Variants in PTPRE observed in about 807,000 individuals in gnomAD.
PTPRE encodes protein tyrosine phosphatase receptor type E, also known as receptor-type tyrosine-protein phosphatase epsilon.
In PTPRE, 51 loss-of-function variants were observed where a neutral mutation model predicts 102.0. The ratio of observed to expected loss-of-function variants is 0.50; its 90% CI spans 0.40 to 0.63. The LOEUF (loss-of-function observed/expected upper bound fraction) is 0.63, where lower values mean the gene tolerates loss of function less well. Among genes scored for constraint, PTPRE ranks in the 30% least tolerant of loss-of-function variants. The pLI is 0.00. For missense variants in PTPRE, 752 were observed against 915.1 expected, an observed-to-expected ratio of 0.82 and a Z score of 2.30; for synonymous variants, 345 against 348.2, an observed-to-expected ratio of 0.99 and a Z score of 0.10.
chr10:127,932,005 C>G (rs1177322222), intron 1 of PTPRE, among the ~76,000 whole-genome samples: 1 of 152,160 alleles, frequency 6.6e-6, no homozygotes. Context: ...TTCTTTAAGT[C>G]AAGTTTCAAT....
chr10:127,992,672 A>G (rs916061804), intron 2 of PTPRE, among the ~76,000 whole-genome samples: 1 of 152,218 alleles, frequency 6.6e-6, no homozygotes, highest in African/African-American at 2.4e-5. Context: ...CACCTGCATC[A>G]GAAAGCCAGA....
At position 128,076,390 on chromosome 10, in the gene PTPRE, A is replaced by G. The variant is rs184195947; in HGVS notation, c.1600-213A>G. Among the ~76,000 whole-genome samples, 867 of 152,248 alleles carry G rather than the reference A, an allele frequency of 5.7e-3. 8 individuals are homozygous for G. Among genetic ancestry groups the G allele is most frequent in the Non-Finnish European group, 8.4e-3 (574 of 68,004 alleles). The stretch of plus-strand genomic sequence containing the variant: ...AATCTCTCCTTTCTGCCATATGTTA[A>G]GGTTTCATATATATATGTGTCTGTT... On this transcript the variant is annotated intron_variant, in intron 17 of 20. Transcript: ENST00000254667.
chr10:127,970,776 T>C (rs2135423624), intron 1 of PTPRE, among the ~76,000 whole-genome samples: 1 of 151,626 alleles, frequency 6.6e-6, no homozygotes, highest in South Asian at 2.1e-4. Context: ...AAAGATCACC[T>C]GATATTTTCC....
At position 127,944,066 on chromosome 10, in the gene PTPRE, G is replaced by A. The variant is rs72845075; in HGVS notation, c.-31+36757G>A. On this transcript the variant is annotated intron_variant, in intron 1 of 20. Coordinates refer to ENST00000254667, the MANE Select transcript of PTPRE (RefSeq NM_006504.6). The surrounding 1 kb of genome is among the most constrained non-coding windows in gnomAD (Gnocchi z 4.2). ...AGGGCACACAAAGTTGCTCCTGTCA[G>A]GGATGTGAGTCAGCCAATGGCCAAG... 0.01 allele frequency among the ~76,000 whole-genome samples: 1,543 copies of A among 152,322 alleles called. 5 individuals carry two copies. Among genetic ancestry groups the A allele is most frequent in the Non-Finnish European group, 0.017 (1,147 of 68,024 alleles).
At position 128,061,840 on chromosome 10, in the gene PTPRE, A is replaced by G. The variant is rs1057494948; in HGVS notation, c.625+125A>G. 27 of 1,175,842 alleles carry G rather than the reference A, an allele frequency of 2.3e-5. No homozygotes were observed. The African/African-American group carries it at 3.7e-4, about 16-fold the overall frequency. 72.8% of individuals were successfully genotyped at this position (1,175,842 alleles called of 1,614,324 possible). A position where few individuals can be genotyped will look rare whatever the true frequency, so the allele number is the denominator to read the frequency against. On this transcript the variant is annotated intron_variant, in intron 9 of 20. Transcript: ENST00000254667. ...GTGTGTGTGTGTTTACACCTAACAGACACGTTAGATATCCATTCACACAAC... is the reference window on the plus strand; with the variant it reads ...GTGTGTGTGTGTTTACACCTAACAGGCACGTTAGATATCCATTCACACAAC...
chr10:127,984,893 T>C (rs945741659), intron 2 of PTPRE, among the ~76,000 whole-genome samples: 1 of 152,228 alleles, frequency 6.6e-6, no homozygotes, highest in Non-Finnish European at 1.5e-5. Flanking sequence ...ATCAGCATCA[T>C]GAAAATGGAC....
intron 3 of PTPRE, among the ~76,000 whole-genome samples, chr10:128,043,526 A>G (rs1264644823): frequency 2.0e-5 from 3 of 152,224 alleles, no homozygotes; most frequent in Non-Finnish European, 4.4e-5. Context: ...ACTGATATCC[A>G]TCTGTGTCCT....
At chr10:127,963,119 G>A (rs1589844601) in intron 1 of PTPRE, among the ~76,000 whole-genome samples, 1 of 152,152 alleles carries the variant, frequency 6.6e-6, no homozygotes, top group African/African-American at 2.4e-5. Flanking sequence ...GGTCCCCCTG[G>A]GGCCTATGGA....
At position 128,066,179 on chromosome 10, in the gene PTPRE, G is replaced by A. The variant is rs752366254; in HGVS notation, c.828G>A (p.Lys276=). Residue 276 remains lysine, a synonymous_variant, in exon 11 of 21, where the codon AAG becomes AAA. Coordinates refer to ENST00000254667, the MANE Select transcript of PTPRE (RefSeq NM_006504.6). ...TTTTGGTCGACTACACCATCCGGAA[G>A]TTCTGCATACAGCCAGTAAGCATCT... ...CVVLVDYTIR[K]FCIQPQLPDG... 1 of 1,614,192 alleles carries A rather than the reference G, an allele frequency of 6.2e-7. No individual in the cohort carries two copies. The highest frequency in any genetic ancestry group is 8.5e-7 in the Non-Finnish European group (1 of 1,179,996).
intron 16 of PTPRE, 123 bp from the exon 17 acceptor site, chr10:128,073,214 G>A (rs966628462): frequency 9.6e-6 from 13 of 1,354,954 alleles, no homozygotes; most frequent in Non-Finnish European, 1.3e-5. Flanking sequence ...GGGGTCTGGT[G>A]CAGACCATGG....
Position 127,944,846 on chromosome 10 carries a change from C to A in PTPRE, c.-30-37428C>A, listed in dbSNP as rs1474903550. On this transcript the variant is annotated intron_variant, in intron 1 of 20. Transcript: ENST00000254667. The surrounding 1 kb of genome is among the most constrained non-coding windows in gnomAD (Gnocchi z 4.2). ...GTGGCAATGAGATGGAGAGAGTGGG[C>A]AGATTCCACACATTTTTAGAAAGCC... Among the ~76,000 whole-genome samples, 1 of 152,058 alleles carries A rather than the reference C, an allele frequency of 6.6e-6. No homozygotes were observed. Among genetic ancestry groups the A allele is most frequent in the African/African-American group, 2.4e-5 (1 of 41,382 alleles).
intron 2 of PTPRE, among the ~76,000 whole-genome samples, chr10:128,017,072 T>C (rs906604448): frequency 6.6e-6 from 1 of 152,050 alleles, no homozygotes; most frequent in Non-Finnish European, 1.5e-5. Context: ...CGAGTCAGAC[T>C]GCAGAACTGA....
rs150158948 is a variant in PTPRE at position 128,070,403 on chromosome 10, G to A, written c.1246G>A (p.Gly416Ser). ...SLEKHLQTMH[G>S]TTTHFDKIGL... ...GGAGAAGCACCTGCAGACCATGCAC[G>A]GCACCACCACCCACTTCGACAAGAT... The change falls in exon 14 of 21, where the codon GGC becomes AGC. Residue 416 changes from glycine (G) to serine (S), a missense_variant. Physicochemically the swap from Gly to Ser is moderately conservative, Grantham distance 56 (BLOSUM62 0). This residue lies in a region of PTPRE where 636 missense variants were observed against 824.4 expected (regional missense o/e 0.77). Transcript: ENST00000254667. The surrounding 1 kb of genome is among the most constrained non-coding windows in gnomAD (Gnocchi z 4.8). The A allele has an allele frequency of 3.8e-5, 61 of 1,614,142 alleles. No individual in the cohort carries two copies. Among genetic ancestry groups the A allele is most frequent in the South Asian group, 3.5e-4 (32 of 91,086 alleles).
chr10:128,047,985 A>G (rs1848244323), intron 5 of PTPRE, 148 bp downstream of exon 5: 2 of 774,462 alleles, frequency 2.6e-6, no homozygotes, highest in Non-Finnish European at 4.0e-6. Context: ...TGATGCTGTC[A>G]TTTAGAATTT....
chr10:128,058,915 G>A (rs533279199), intron 7 of PTPRE, among the ~76,000 whole-genome samples: 1 of 152,322 alleles, frequency 6.6e-6, no homozygotes, highest in South Asian at 2.1e-4. Flanking sequence ...GAGCTCTGGG[G>A]TCAGAGGTCA....
intron 11 of PTPRE, among the ~76,000 whole-genome samples, chr10:128,067,364 G>T (rs1187413503): frequency 8.1e-6 from 1 of 123,642 alleles, no homozygotes; most frequent in Non-Finnish European, 1.7e-5. Context: ...ACGCACACGT[G>T]CACACATGCA....
At chr10:128,023,101 T>C (rs756537758) in intron 2 of PTPRE, among the ~76,000 whole-genome samples, 3 of 152,116 alleles carry the variant, frequency 2.0e-5, no homozygotes, top group Non-Finnish European at 2.9e-5. Flanking sequence ...GTGAACAAGA[T>C]AGTTTGAGAG....
chr10:127,929,790 C>G (rs954892704), intron 1 of PTPRE: 1 of 152,166 alleles, frequency 6.6e-6, no homozygotes, highest in African/African-American at 2.4e-5. Context: ...GGCGTGGTGG[C>G]TCACACCTGT....
At chr10:128,071,047 G>C (rs777251187) in intron 15 of PTPRE, 146 bp downstream of exon 15, 14 of 724,618 alleles carry the variant, frequency 1.9e-5, no homozygotes, top group Non-Finnish European at 1.6e-5. Flanking sequence ...GGGCTCCTGT[G>C]TGCTGTACCA....
Sources: allele counts gnomAD v4.1 joint callset (sites outside exome capture counted in the v4.1 genomes callset), GRCh38; gene constraint gnomAD v4.1.1; regional missense constraint gnomAD v4.1.1; non-coding constraint Gnocchi (gnomAD v3.1); transcripts MANE v1.5; gene names NCBI Gene and HGNC (gene_info 2026-07-23, HGNC 2026-07-21).